UACA: variants seen among roughly 807,000 people sequenced by gnomAD.
UACA encodes nuclear membrane binding protein.
In UACA, 112 loss-of-function variants were observed where a neutral mutation model predicts 160.5. The observed-to-expected ratio is 0.70, with a 90% CI of 0.60 to 0.82. The LOEUF is 0.82. Among genes scored for constraint, UACA ranks in the 40% least tolerant of loss-of-function variants. The pLI is 0.00. For missense variants in UACA, 1,574 were observed against 1,614.6 expected, an observed-to-expected ratio of 0.97 and a Z score of 0.43; for synonymous variants, 557 against 568.4, an observed-to-expected ratio of 0.98 and a Z score of 0.29.
chr15:70,663,490 C>A (rs1896792540), intron 17 of UACA, among the ~76,000 whole-genome samples: 1 of 152,068 alleles, frequency 6.6e-6, no homozygotes, highest in South Asian at 2.1e-4. Flanking sequence ...ACCATTTGAC[C>A]CAGCCATCCC....
intron 18 of UACA, among the ~76,000 whole-genome samples, chr15:70,658,555 TCTC>T (rs1896564928): frequency 6.6e-6 from 1 of 152,170 alleles, no homozygotes; most frequent in Non-Finnish European, 1.5e-5. Context: ...TTCATTTGCA[TCTC>T]CCCCATTACT....
At position 70,763,476 on chromosome 15, in the gene UACA, G is replaced by C. The variant is rs1038789967; in HGVS notation, c.-69C>G. 9 of 1,263,444 alleles carry C rather than the reference G, an allele frequency of 7.1e-6. No individual in the cohort carries two copies. The highest frequency in any genetic ancestry group is 6.2e-5 in the African/African-American group (4 of 64,354). 78.3% of individuals were successfully genotyped at this position (1,263,444 alleles called of 1,614,324 possible). A position where few individuals can be genotyped will look rare whatever the true frequency, so the allele number is the denominator to read the frequency against. ...GAGTGCCAGCGCGCAAGGAGTAGAC[G>C]GCAGCGGCTGCAGCAGAGGCGGCGC... is the stretch of plus-strand genomic sequence containing the variant. On this transcript the variant is annotated 5_prime_UTR_variant, in exon 1 of 19. Transcript: ENST00000322954.
chr15:70,718,321 AGAATGTGTG>A (rs1898884924), intron 1 of UACA, among the ~76,000 whole-genome samples: 1 of 68,150 alleles, frequency 1.5e-5, no homozygotes, highest in African/African-American at 4.6e-5. Flanking sequence ...AGAGAGAGAG[AGAATGTGTG>A]TGTGTGTGTG....
At chr15:70,777,445 A>G in the UACA span, among the ~76,000 whole-genome samples, 3 of 152,314 alleles carry the variant, frequency 2.0e-5, no homozygotes, top group South Asian at 6.2e-4. Flanking sequence ...ACGAGGAAAT[A>G]TAGAGGCCAA....
In UACA at chr15:70,719,245, A is replaced by G. The variant is rs1044417559; in HGVS notation, c.79-19585T>C. Among the ~76,000 whole-genome samples, 8 of 152,330 alleles carry G rather than the reference A, an allele frequency of 5.3e-5. No individual in the cohort carries two copies. In the South Asian group the frequency reaches 6.2e-4, roughly 12 times the overall value. Reference sequence around the variant, plus strand: ...ACTTGCAAGGTAGAAACTCCCAACTATTTCCCATTTCCAACAAGTAAAAAG... The same window carrying G: ...ACTTGCAAGGTAGAAACTCCCAACTGTTTCCCATTTCCAACAAGTAAAAAG... On this transcript the variant is annotated intron_variant, in intron 1 of 18. Coordinates refer to ENST00000322954, the MANE Select transcript of UACA (RefSeq NM_018003.4).
At chr15:70,682,934 T>C in intron 8 of UACA, 139 bp from the exon 9 acceptor site, 1 of 478,058 alleles carries the variant, frequency 2.1e-6, no homozygotes, top group Non-Finnish European at 3.5e-6. Flanking sequence ...TTTTTAGTTT[T>C]ATTTCTAAAA....
intron 16 of UACA, among the ~76,000 whole-genome samples, chr15:70,665,770 G>A (rs1331844696): frequency 1.3e-5 from 2 of 152,120 alleles, no homozygotes; most frequent in Non-Finnish European, 2.9e-5. Context: ...GAGATGGTGT[G>A]CCAGAGGACA....
the UACA span, among the ~76,000 whole-genome samples, chr15:70,772,492 C>CAAAAAAAAA: frequency 8.1e-5 from 4 of 49,578 alleles, no homozygotes; most frequent in Non-Finnish European, 9.2e-5. Flanking sequence ...GCCTCCATCT[C>CAAAAAAAAA]AAAAAAAAAA....
intron 1 of UACA, among the ~76,000 whole-genome samples, chr15:70,713,757 T>C (rs1898751827): frequency 6.6e-6 from 1 of 152,194 alleles, no homozygotes. Flanking sequence ...TGAGCAATAT[T>C]ACCAGCTGAA....
At chr15:70,771,020 C>G in the UACA span, among the ~76,000 whole-genome samples, 2 of 152,256 alleles carry the variant, frequency 1.3e-5, no homozygotes, top group African/African-American at 4.8e-5. Flanking sequence ...TAAACTCTTA[C>G]AGCCAGAGAG....
chr15:70,765,816 C>G (rs1301314308), upstream of UACA, among the ~76,000 whole-genome samples: 1 of 152,198 alleles, frequency 6.6e-6, no homozygotes, highest in Non-Finnish European at 1.5e-5. Flanking sequence ...TCAATCAACT[C>G]CTTTCTCTGG....
At chr15:70,776,566 T>A in the UACA span, among the ~76,000 whole-genome samples, 3 of 152,012 alleles carry the variant, frequency 2.0e-5, no homozygotes, top group Admixed American at 2.0e-4. Flanking sequence ...TAGTTGGGAT[T>A]ACAGGCAAAT....
Position 70,671,028 on chromosome 15 carries a change from A to C in UACA, c.1221+11T>G, listed in dbSNP as rs1222662667. On this transcript the variant is annotated intron_variant, in intron 15 of 18. Coordinates refer to ENST00000322954, the MANE Select transcript of UACA (RefSeq NM_018003.4). Reference sequence around the variant, plus strand: ...ATGTTTTTTAAAATTAAAAAAAAAAACAGTTATTACCTGTGAGTCTGCCAT... The same window carrying C: ...ATGTTTTTTAAAATTAAAAAAAAAACCAGTTATTACCTGTGAGTCTGCCAT... 2.6e-6 allele frequency: 4 copies of C among 1,513,950 alleles called. No individual in the cohort carries two copies. The highest frequency in any genetic ancestry group is 2.3e-5 in the Admixed American group (1 of 44,358). 93.8% of individuals were successfully genotyped at this position (1,513,950 alleles called of 1,614,324 possible).
chr15:70,674,473 T>A lies in UACA; in HGVS notation c.1131+2020A>T, dbSNP rs572614059. Among the ~76,000 whole-genome samples, 8 of 152,314 alleles carry A rather than the reference T, an allele frequency of 5.3e-5. 1 individual carries two copies. In the South Asian group the frequency reaches 1.7e-3, roughly 32 times the overall value. ...CTTTTGCATCTGCTTTCAGTTTAAA[T>A]ATACTTTCTTATTTTTCTAAAGTAA... On this transcript the variant is annotated intron_variant, in intron 13 of 18. Coordinates refer to ENST00000322954, the MANE Select transcript of UACA (RefSeq NM_018003.4).
chr15:70,710,203 C>G (rs1898641558), intron 1 of UACA, among the ~76,000 whole-genome samples: 1 of 152,082 alleles, frequency 6.6e-6, no homozygotes, highest in South Asian at 2.1e-4. Context: ...TGCAGTGAGC[C>G]AAGTTCGTGC....
chr15:70,710,569 C>T (rs1297386974), intron 1 of UACA, among the ~76,000 whole-genome samples: 2 of 152,162 alleles, frequency 1.3e-5, no homozygotes, highest in African/African-American at 4.8e-5. Context: ...CTTCAGATGC[C>T]AACTGCAAGC....
At chr15:70,665,180 G>A (rs1347051605) in intron 16 of UACA, among the ~76,000 whole-genome samples, 3 of 152,162 alleles carry the variant, frequency 2.0e-5, no homozygotes, top group African/African-American at 7.2e-5. Context: ...CAGCAACAAA[G>A]TGTGAAAAGT....
chr15:70,762,561 G>A (rs905187121), intron 1 of UACA, among the ~76,000 whole-genome samples: 6 of 152,144 alleles, frequency 3.9e-5, no homozygotes, highest in African/African-American at 1.4e-4. Context: ...AAGAGGCCCC[G>A]ACTACTCCTT....
intron 1 of UACA, among the ~76,000 whole-genome samples, chr15:70,736,498 G>A (rs568086082): frequency 3.1e-4 from 47 of 152,212 alleles, no homozygotes; most frequent in Non-Finnish European, 4.6e-4. Context: ...ACAGCCGCAC[G>A]ATCTTGGCTC....
Sources: allele counts gnomAD v4.1 joint callset (sites outside exome capture counted in the v4.1 genomes callset), GRCh38; gene constraint gnomAD v4.1.1; transcripts MANE v1.5; gene names NCBI Gene and HGNC (gene_info 2026-07-23, HGNC 2026-07-21).